Variants in MMP26 observed in about 807,000 individuals in gnomAD.
MMP26 encodes the protein matrix metallopeptidase 26.
Under a neutral mutation model 31.0 loss-of-function variants are expected in MMP26, and 33 were observed. The observed-to-expected ratio is 1.06, with a 90% CI of 0.81 to 1.42. The LOEUF (loss-of-function observed/expected upper bound fraction) is 1.42. MMP26 is among the 40% of genes most tolerant of loss of function. The pLI, the probability that MMP26 is intolerant of heterozygous loss-of-function variation, is 0.00. For missense variants in MMP26, 347 were observed against 316.1 expected (o/e 1.10, Z -0.74); for synonymous variants, 122 against 114.9 (o/e 1.06, Z -0.40).
chr11:4,706,577 C>CAA lies in MMP26; in HGVS notation c.-217+1553_-217+1554dup, dbSNP rs71050423. Among the ~76,000 whole-genome samples, 225 of 87,382 alleles carry CAA rather than the reference C, an allele frequency of 2.6e-3. 3 individuals carry two copies. Among genetic ancestry groups the CAA allele is most frequent in the East Asian group, 7.8e-3 (19 of 2,426 alleles). The allele number at this position is 87,382 out of a possible 152,430, so 57.3% of individuals were successfully genotyped here. On this transcript the variant is annotated intron_variant, in intron 1 of 7. Transcript: ENST00000380390. ...TGGGCAACAGAGCAAGACCCTATCT[C>CAA]AAAAAAAAAAAAAAAAAAAAAAGAC... is the stretch of plus-strand genomic sequence containing the variant.
intron 1 of MMP26, among the ~76,000 whole-genome samples, chr11:4,731,083 T>C (rs868636499): frequency 5.9e-5 from 9 of 152,266 alleles, no homozygotes; most frequent in Middle Eastern, 6.8e-3. Flanking sequence ...TAGCTGGGAT[T>C]ACAGGCGTGC....
chr11:4,861,110 C>A (rs1850149350), intron 2 of MMP26, among the ~76,000 whole-genome samples: 1 of 148,004 alleles, frequency 6.8e-6, no homozygotes, highest in South Asian at 2.1e-4. Flanking sequence ...TATATACTTC[C>A]ATATGTATAT....
At chr11:4,832,755 G>T (rs962653068) in intron 2 of MMP26, 1 of 172,648 alleles carries the variant, frequency 5.8e-6, no homozygotes, top group Non-Finnish European at 1.3e-5. Flanking sequence ...TCTGCATGAT[G>T]TCAGACAGTG....
intron 2 of MMP26, among the ~76,000 whole-genome samples, chr11:4,977,698 T>C (rs1846756699): frequency 1.3e-5 from 2 of 152,006 alleles, no homozygotes; most frequent in South Asian, 4.1e-4. Flanking sequence ...GCCTTTTTTG[T>C]CCATTCAGAA....
intron 2 of MMP26, chr11:4,875,452 A>T (rs1850366966): frequency 6.6e-6 from 1 of 152,126 alleles, no homozygotes; most frequent in South Asian, 2.1e-4. Flanking sequence ...ACTGGGCTAA[A>T]ACCAAGATTT....
intron 2 of MMP26, among the ~76,000 whole-genome samples, chr11:4,781,553 C>CAAAAAAAAAAAA (rs780005906): frequency 6.6e-5 from 1 of 15,192 alleles, no homozygotes; most frequent in Non-Finnish European, 9.4e-5. Flanking sequence ...GACTCCGTCT[C>CAAAAAAAAAAAA]AAAAAAAAAA....
intron 2 of MMP26, chr11:4,914,903 A>C (rs370284259): frequency 6.2e-7 from 1 of 1,614,056 alleles, no homozygotes; most frequent in African/African-American, 1.3e-5. Context: ...GTAGAAGAGC[A>C]GCACAGCACA....
At chr11:4,741,720 T>C (rs920655034) in intron 1 of MMP26, among the ~76,000 whole-genome samples, 6 of 151,984 alleles carry the variant, frequency 3.9e-5, no homozygotes, top group Admixed American at 3.9e-4. Context: ...GCACACGTAT[T>C]CCTATGTGAC....
At chr11:4,762,973 T>G (rs1441869703) in intron 1 of MMP26, among the ~76,000 whole-genome samples, 1 of 152,236 alleles carries the variant, frequency 6.6e-6, no homozygotes, top group East Asian at 1.9e-4. Context: ...GATTGGGATT[T>G]AGTATCTTCT....
chr11:4,778,732 A>C (rs1848821030), intron 2 of MMP26, among the ~76,000 whole-genome samples: 1 of 152,070 alleles, frequency 6.6e-6, no homozygotes, highest in South Asian at 2.1e-4. Context: ...AAACCTTATA[A>C]TTCATGAACA....
chr11:4,798,977 G>A (rs1484551083), intron 2 of MMP26, among the ~76,000 whole-genome samples: 1 of 152,156 alleles, frequency 6.6e-6, no homozygotes, highest in Non-Finnish European at 1.5e-5. Context: ...GATGTACCAG[G>A]AGCTGCCTTT....
intron 2 of MMP26, among the ~76,000 whole-genome samples, chr11:4,818,514 T>A (rs1298838803): frequency 1.3e-5 from 2 of 152,204 alleles, no homozygotes; most frequent in Non-Finnish European, 1.5e-5. Context: ...ATATTCTTTT[T>A]AAATAACTTT....
chr11:4,759,799 T>C (rs1242747479), intron 1 of MMP26, among the ~76,000 whole-genome samples: 1 of 152,214 alleles, frequency 6.6e-6, no homozygotes, highest in African/African-American at 2.4e-5. Flanking sequence ...AGTTTGCACA[T>C]GCGTTGTTTC....
At chr11:4,858,528 C>T (rs1386313034) in intron 2 of MMP26, among the ~76,000 whole-genome samples, 1 of 152,072 alleles carries the variant, frequency 6.6e-6, no homozygotes, top group East Asian at 1.9e-4. Context: ...ATGTGAAGGA[C>T]CTCTTCAAGG....
intron 2 of MMP26, among the ~76,000 whole-genome samples, chr11:4,841,627 A>G (rs1849797422): frequency 6.6e-6 from 1 of 152,206 alleles, no homozygotes; most frequent in Admixed American, 6.5e-5. Flanking sequence ...CCTCAACACC[A>G]GACCTGTTCT....
At chr11:4,727,552 G>A (rs1356772605) in intron 1 of MMP26, among the ~76,000 whole-genome samples, 2 of 152,186 alleles carry the variant, frequency 1.3e-5, no homozygotes, top group Non-Finnish European at 1.5e-5. Context: ...GCTCATGCCT[G>A]TTATCCCAGC....
chr11:4,873,680 T>C lies in MMP26; in HGVS notation c.-145+106339T>C, dbSNP rs1850339865. On this transcript the variant is annotated intron_variant, in intron 2 of 7. Transcript: ENST00000380390. ...AAGCAAACATTACCAAGTTTTTAGA[T>C]AATACATGGGCATTTATTATATCTG... Among the ~76,000 whole-genome samples the C allele has an allele frequency of 4.6e-5, 7 of 152,060 alleles. No individual in the cohort carries two copies. The South Asian group carries it at 1.4e-3, about 31-fold the overall frequency.
intron 2 of MMP26, chr11:4,881,722 A>G (rs1850464923): frequency 1.6e-6 from 1 of 623,880 alleles, no homozygotes; most frequent in African/African-American, 1.8e-5. Context: ...GTATTGAACT[A>G]TTTTAGCCTA....
At chr11:4,897,621 T>C (rs556623566) in intron 2 of MMP26, among the ~76,000 whole-genome samples, 12 of 152,278 alleles carry the variant, frequency 7.9e-5, no homozygotes, top group African/African-American at 2.2e-4. Flanking sequence ...GTTTCAGTAT[T>C]CTACTTCATT....
Sources: gnomAD v4.1 joint callset for allele counts (sites outside exome capture counted in the v4.1 genomes callset) on GRCh38, gnomAD v4.1.1 for gene constraint, MANE v1.5 for transcripts, NCBI Gene and HGNC (gene_info 2026-07-23, HGNC 2026-07-21) for gene names.